The following STARD3 variants were observed in gnomAD, a reference collection of about 807,000 sequenced individuals.
STARD3 encodes StAR related lipid transfer domain containing 3, also known as stAR-related lipid transfer protein 3.
Under a neutral mutation model 62.0 loss-of-function variants are expected in STARD3, and 39 were observed. That is an observed-to-expected ratio of 0.63 (90% CI 0.49 to 0.82). STARD3 has a LOEUF of 0.82. Ranked by LOEUF, STARD3 falls within the 40% of genes least tolerant of loss-of-function variation. The probability of loss-of-function intolerance (pLI) is 0.00; values close to 1 mark genes in which losing one functional copy is unlikely to be tolerated. For synonymous variants in STARD3, 229 were observed against 242.4 expected (o/e 0.94, Z 0.51); for missense variants, 543 against 584.5 (o/e 0.93, Z 0.73).
At chr17:39,659,998 C>G (rs1470628032) in intron 9 of STARD3, 1 of 593,852 alleles carries the variant, frequency 1.7e-6, no homozygotes, top group East Asian at 2.8e-5. Context: ...GCTGTCCCCC[C>G]GTCTTTTAAC....
chr17:39,644,936 G>A (rs1489200182), intron 1 of STARD3, among the ~76,000 whole-genome samples: 1 of 152,070 alleles, frequency 6.6e-6, no homozygotes, highest in Non-Finnish European at 1.5e-5. Context: ...CTTTGGAGCC[G>A]CCTCCCTGAA....
rs2057232013 is a variant in STARD3 at position 39,664,019 on chromosome 17, G to A, written c.*1111G>A. Among the ~76,000 whole-genome samples the A allele has an allele frequency of 6.6e-6, 1 of 152,164 alleles. No homozygotes were observed. Among genetic ancestry groups the A allele is most frequent in the Non-Finnish European group, 1.5e-5 (1 of 68,034 alleles). On this transcript the variant is annotated 3_prime_UTR_variant, in exon 15 of 15. Coordinates refer to ENST00000336308, the MANE Select transcript of STARD3 (RefSeq NM_006804.4). ...TCCCTCCCGGCTGGCCTGCCCCCTT[G>A]CCTGCCTGCATGCAGGCTTCCAGCA...
intron 8 of STARD3, 61 bp from the exon 9 acceptor site, chr17:39,659,400 C>G (rs1170308031): frequency 1.3e-6 from 2 of 1,517,592 alleles, no homozygotes; most frequent in Non-Finnish European, 1.8e-6. Flanking sequence ...GAGAACAGGC[C>G]ACGAACATGG....
intron 1 of STARD3, among the ~76,000 whole-genome samples, chr17:39,638,029 A>G (rs980384619): frequency 6.6e-6 from 1 of 151,974 alleles, no homozygotes; most frequent in Non-Finnish European, 1.5e-5. Flanking sequence ...CTGGGTCCAA[A>G]CTTGAACTGG....
At chr17:39,639,215 T>C (rs919737768) in intron 1 of STARD3, among the ~76,000 whole-genome samples, 4 of 152,250 alleles carry the variant, frequency 2.6e-5, no homozygotes, top group African/African-American at 4.8e-5. Context: ...AGTGGCTTAC[T>C]AGTCATTGGA....
At chr17:39,658,193 C>T (rs1260142888) in intron 5 of STARD3, 167 bp downstream of exon 5, 3 of 891,088 alleles carry the variant, frequency 3.4e-6, no homozygotes, top group South Asian at 3.0e-5. Flanking sequence ...CACCCGCTTC[C>T]CTGACTTAGC....
intron 1 of STARD3, among the ~76,000 whole-genome samples, chr17:39,651,363 G>A (rs569038106): frequency 6.6e-6 from 1 of 152,322 alleles, no homozygotes; most frequent in African/African-American, 2.4e-5. Context: ...TGAAAGTGTG[G>A]CAGGACACCT....
chr17:39,656,864 C>CA, intron 2 of STARD3, 144 bp from the exon 3 acceptor site: 1 of 718,914 alleles, frequency 1.4e-6, no homozygotes, highest in South Asian at 1.7e-5. Context: ...TTGGTGCTTC[C>CA]AGGGCCCCCT....
rs572292767 is a variant in STARD3, at chr17:39,653,889, G to C, written c.219+139G>C. On this transcript the variant is annotated intron_variant, in intron 2 of 14. Coordinates refer to ENST00000336308, the MANE Select transcript of STARD3 (RefSeq NM_006804.4). ...AATGAAGACTGGGAGGAACAACAGG[G>C]GTTCTCATATTCTGAATGAAGGAAT... 32 of 961,500 alleles carry C rather than the reference G, an allele frequency of 3.3e-5. 1 individual carries two copies. The South Asian group carries it at 4.8e-4, about 15-fold the overall frequency. The allele number at this position is 961,500 out of a possible 1,614,324, so 59.6% of individuals were successfully genotyped here. A position where few individuals can be genotyped will look rare whatever the true frequency, so the allele number is the denominator to read the frequency against.
At chr17:39,647,737 C>T (rs2057040631) in intron 1 of STARD3, among the ~76,000 whole-genome samples, 1 of 152,228 alleles carries the variant, frequency 6.6e-6, no homozygotes, top group Non-Finnish European at 1.5e-5. Context: ...GAAAGGCTGA[C>T]AGGTGGGATT....
chr17:39,648,071 A>T (rs2057043220), intron 1 of STARD3, among the ~76,000 whole-genome samples: 1 of 152,088 alleles, frequency 6.6e-6, no homozygotes, highest in South Asian at 2.1e-4. Context: ...GGATCACGAG[A>T]TCAGGAGATT....
At position 39,663,965 on chromosome 17, in the gene STARD3, C is replaced by T. The variant is rs1010917945; in HGVS notation, c.*1057C>T. Among the ~76,000 whole-genome samples the T allele has an allele frequency of 2.6e-5, 4 of 152,118 alleles. No individual in the cohort carries two copies. The highest frequency in any genetic ancestry group is 9.7e-5 in the African/African-American group (4 of 41,420). On this transcript the variant is annotated 3_prime_UTR_variant, in exon 15 of 15. Transcript: ENST00000336308. The stretch of plus-strand genomic sequence containing the variant: ...GCGGCCTGGAGCCCGGATCGCAGGG[C>T]GGGGCCAGGCCACTGCCTGCCTTCC...
intron 1 of STARD3, among the ~76,000 whole-genome samples, chr17:39,651,271 A>G (rs546243140): frequency 2.6e-5 from 4 of 152,366 alleles, no homozygotes; most frequent in African/African-American, 9.6e-5. Flanking sequence ...TGGCTTGCTC[A>G]GAACCTCCTG....
At chr17:39,661,468 C>G (rs1237092442) in intron 13 of STARD3, 1 of 225,758 alleles carries the variant, frequency 4.4e-6, no homozygotes, top group East Asian at 1.2e-4. Context: ...ACTCGGGTCC[C>G]CTTTCGTCCT....
chr17:39,658,884 G>A, intron 7 of STARD3, 64 bp downstream of exon 7: 1 of 1,589,630 alleles, frequency 6.3e-7, no homozygotes, highest in East Asian at 2.2e-5. Context: ...GGGGTAGGCT[G>A]GGTCTGTTCT....
At position 39,658,733 on chromosome 17, in the gene STARD3, G is replaced by A. The variant is rs772239501; in HGVS notation, c.559G>A (p.Ala187Thr). 9.0e-5 allele frequency: 146 copies of A among 1,613,830 alleles called. No individual in the cohort carries two copies. In the South Asian group the frequency reaches 1.2e-3, roughly 13 times the overall value. Residue 187 changes from alanine to threonine, a missense_variant, in exon 7 of 15, where the codon GCC becomes ACC. By Grantham distance (58) the Ala-to-Thr change is moderately conservative. Transcript: ENST00000336308. ...GTCTGCTCCTCCAGGGTATCTTGCC[G>A]CCCAGGTTGCTGTTGCCCGTGGACC... ...EAEEERWYLA[A>T]QVAVARGPLL...
intron 2 of STARD3, among the ~76,000 whole-genome samples, chr17:39,655,849 TG>T (rs2057122907): frequency 1.3e-5 from 2 of 152,102 alleles, no homozygotes; most frequent in East Asian, 3.9e-4. Context: ...GGCTGAGACT[TG>T]GCTCTCCCGA....
intron 1 of STARD3, among the ~76,000 whole-genome samples, chr17:39,637,942 C>A (rs1029474261): frequency 2.0e-5 from 3 of 152,206 alleles, no homozygotes. Flanking sequence ...TCCACATCTT[C>A]AGCGCAGCCC....
At chr17:39,640,562 C>T (rs1388781325) in intron 1 of STARD3, among the ~76,000 whole-genome samples, 1 of 140,654 alleles carries the variant, frequency 7.1e-6, no homozygotes, top group African/African-American at 2.5e-5. Context: ...CTTGAGAGGG[C>T]TGAGATCTCT....
Sources: allele counts gnomAD v4.1 joint callset (sites outside exome capture counted in the v4.1 genomes callset), GRCh38; gene constraint gnomAD v4.1.1; transcripts MANE v1.5; gene names NCBI Gene and HGNC (gene_info 2026-07-23, HGNC 2026-07-21).